Variants in ASGR1 observed in about 807,000 individuals in gnomAD.
ASGR1 encodes C-type lectin domain family 4 member H1.
A neutral mutation model predicts 33.1 loss-of-function variants in ASGR1; 35 were observed. That is an observed-to-expected ratio of 1.06 (90% CI 0.81 to 1.40). ASGR1 has a LOEUF of 1.40. ASGR1 is among the 40% of genes most tolerant of loss of function. The probability of loss-of-function intolerance (pLI) is 0.00; values close to 1 mark genes in which losing one functional copy is unlikely to be tolerated. For synonymous variants in ASGR1, 142 were observed against 152.5 expected, an observed-to-expected ratio of 0.93 and a Z score of 0.51; for missense variants, 396 against 373.7, an observed-to-expected ratio of 1.06 and a Z score of -0.49.
chr17:7,177,504 A>G (rs1021130321), intron 2 of ASGR1, 178 bp from the exon 3 acceptor site: 1 of 585,456 alleles, frequency 1.7e-6, no homozygotes, highest in Non-Finnish European at 3.0e-6. Flanking sequence ...ATCGGGGAGA[A>G]AAGAGGGCTG....
chr17:7,174,506 C>G (rs776770510), intron 5 of ASGR1, 46 bp from the exon 6 acceptor site: 1 of 1,579,606 alleles, frequency 6.3e-7, no homozygotes. Context: ...GCGGAAACCA[C>G]GGGGAGGGAA....
chr17:7,174,005 C>T lies in ASGR1; in HGVS notation c.657G>A (p.Gly219=), dbSNP rs779023527. ...NTWMGLHDQN[G]PWKWVDGTDY... is the part of the protein sequence containing the mutation. ...CCGTCCCGTCCACCCACTTCCAGGGCCCGTTTTGGTCGTGGAGGCCCATCC... is the reference window on the plus strand; with the variant it reads ...CCGTCCCGTCCACCCACTTCCAGGGTCCGTTTTGGTCGTGGAGGCCCATCC... Residue 219 remains glycine (G), a synonymous_variant, in exon 8 of 9, where the codon GGG becomes GGA. Coordinates refer to ENST00000269299, the MANE Select transcript of ASGR1 (RefSeq NM_001671.5). 6.2e-7 allele frequency: 1 copy of T among 1,614,214 alleles called. No individual in the cohort carries two copies. The highest frequency in any genetic ancestry group is 1.1e-5 in the South Asian group (1 of 91,092).
At chr17:7,176,551 AC>A in intron 5 of ASGR1, 2 of 464,528 alleles carry the variant, frequency 4.3e-6, no homozygotes, top group Non-Finnish European at 3.7e-6. Context: ...TCTCATTCTC[AC>A]ACACACACAC....
Position 7,173,970 on chromosome 17 carries a change from G to T in ASGR1, c.692C>A (p.Thr231Lys), listed in dbSNP as rs767830073. ...WKWVDGTDYE[T>K]GFKNWRPEQP... ...GAGGGCGCGCACTCACTTGAAGCCC[G>T]TCTCGTAGTCCGTCCCGTCCACCCA... is the stretch of plus-strand genomic sequence containing the variant. Residue 231 changes from threonine (T) to lysine (K), a missense_variant, in exon 8 of 9, where the codon ACG (threonine) becomes AAG (lysine). Physicochemically the swap from Thr to Lys is moderately conservative, Grantham distance 78. Coordinates refer to ENST00000269299, the MANE Select transcript of ASGR1 (RefSeq NM_001671.5). The surrounding 1 kb of genome is among the most constrained non-coding windows in gnomAD (Gnocchi z 4.7). 1.4e-5 allele frequency: 22 copies of T among 1,614,082 alleles called. No individual in the cohort carries two copies. Among genetic ancestry groups the T allele is most frequent in the Non-Finnish European group, 1.5e-5 (18 of 1,180,008 alleles).
chr17:7,176,839 G>T lies in ASGR1; in HGVS notation c.346C>A (p.Leu116Met). Residue 116 changes from leucine (L) to methionine (M), a missense_variant, in exon 5 of 9, where the codon CTG (leucine) becomes ATG (methionine). Transcript: ENST00000269299. The stretch of plus-strand genomic sequence containing the variant: ...ACACTCCCTCTCTGACCTTCACTCA[G>T]GTCCTTCTGCTGTTTCTCCAGCTGG... ...ESQLEKQQKD[L>M]SEDHSSLLLH... 1.2e-6 allele frequency: 2 copies of T among 1,611,474 alleles called. No individual in the cohort carries two copies. The highest frequency in any genetic ancestry group is 8.5e-7 in the Non-Finnish European group (1 of 1,179,824).
In ASGR1 at chr17:7,176,913, G is replaced by C. The variant is rs200071868; in HGVS notation, c.284-12C>G. 289 of 1,611,822 alleles carry C rather than the reference G, an allele frequency of 1.8e-4. 1 individual carries two copies. The African/African-American group carries it at 3.5e-3, about 20-fold the overall frequency. On this transcript the variant is annotated splice_polypyrimidine_tract_variant and intron_variant, in intron 4 of 8. Transcript: ENST00000269299. ...TCCCACATTGCCTCCTGCGGGAGAG[G>C]CTCGCTCAGCGTTCCCGACAGCCCC... is the stretch of plus-strand genomic sequence containing the variant.
At chr17:7,177,412 C>G in intron 2 of ASGR1, 86 bp from the exon 3 acceptor site, 1 of 1,116,638 alleles carries the variant, frequency 9.0e-7, no homozygotes, top group South Asian at 1.4e-5. Flanking sequence ...CAAGCTAAGG[C>G]GGCCCTAGTA....
Position 7,173,964 on chromosome 17 carries a change from A to C in ASGR1, c.698T>G (p.Phe233Cys), listed in dbSNP as rs1404763274. Residue 233 changes from phenylalanine (F) to cysteine (C), a missense_variant, in exon 8 of 9, where the codon TTC (phenylalanine) becomes TGC (cysteine). Coordinates refer to ENST00000269299, the MANE Select transcript of ASGR1 (RefSeq NM_001671.5). This position sits in a 1 kb window ranked among gnomAD's most constrained non-coding sequence, Gnocchi z 4.7. ...CCGAGGGAGGGCGCGCACTCACTTGAAGCCCGTCTCGTAGTCCGTCCCGTC... is the reference window on the plus strand; with the variant it reads ...CCGAGGGAGGGCGCGCACTCACTTGCAGCCCGTCTCGTAGTCCGTCCCGTC... ...WVDGTDYETGFKNWRPEQPDD... is the reference protein window; with the variant it reads ...WVDGTDYETGCKNWRPEQPDD... 6.2e-7 allele frequency: 1 copy of C among 1,614,158 alleles called. No individual in the cohort carries two copies. The highest frequency in any genetic ancestry group is 8.5e-7 in the Non-Finnish European group (1 of 1,179,980).
Position 7,173,821 on chromosome 17 carries a change from C to T in ASGR1, c.714G>A (p.Pro238=), listed in dbSNP as rs1360463522. ...DYETGFKNWR[P]EQPDDWYGHG... is the part of the protein sequence containing the mutation. ...GGCCGTACCAGTCGTCCGGCTGCTC[C>T]GGCCTCCAGTTCCTGGGGACAGAGC... Residue 238 remains proline (P), a synonymous_variant, in exon 9 of 9, where the codon CCG becomes CCA. Transcript: ENST00000269299. The surrounding 1 kb of genome is among the most constrained non-coding windows in gnomAD (Gnocchi z 4.7). 3 of 1,610,566 alleles carry T rather than the reference C, an allele frequency of 1.9e-6. No individual in the cohort carries two copies. Among genetic ancestry groups the T allele is most frequent in the South Asian group, 1.1e-5 (1 of 91,018 alleles).
In ASGR1 at chr17:7,174,223, C is replaced by G. The variant is rs1181982025; in HGVS notation, c.509G>C (p.Arg170Pro). 3 of 1,614,226 alleles carry G rather than the reference C, an allele frequency of 1.9e-6. No individual in the cohort carries two copies. Among genetic ancestry groups the G allele is most frequent in the African/African-American group, 2.7e-5 (2 of 75,070 alleles). The part of the protein sequence containing the change: ...EHERSCYWFS[R>P]SGKAWADADN... ...GGCGTCAGCCCAGGCCTTCCCGGAGCGAGAGAACCAGTAGCAGCTGCGCTC... is the reference window on the plus strand; with the variant it reads ...GGCGTCAGCCCAGGCCTTCCCGGAGGGAGAGAACCAGTAGCAGCTGCGCTC... Residue 170 changes from arginine to proline, a missense_variant, in exon 7 of 9, where the codon CGC (arginine) becomes CCC (proline). Coordinates refer to ENST00000269299, the MANE Select transcript of ASGR1 (RefSeq NM_001671.5).
At chr17:7,177,664 C>A (rs1056825224) in intron 2 of ASGR1, 4 of 253,980 alleles carry the variant, frequency 1.6e-5, no homozygotes, top group Non-Finnish European at 2.3e-5. Flanking sequence ...GAGTGGCCCG[C>A]GCCTCGGAGT....
chr17:7,175,764 C>T (rs1007656151), intron 5 of ASGR1, among the ~76,000 whole-genome samples: 1 of 143,698 alleles, frequency 7.0e-6, no homozygotes, highest in Non-Finnish European at 1.5e-5. Flanking sequence ...CACACTCCTT[C>T]TCATTTTCAC....
At chr17:7,175,052 A>G (rs1348183058) in intron 5 of ASGR1, among the ~76,000 whole-genome samples, 1 of 149,520 alleles carries the variant, frequency 6.7e-6, no homozygotes. Context: ...TACACAACAC[A>G]CCCTCACACG....
intron 2 of ASGR1, chr17:7,178,273 G>A (rs1318086356): frequency 3.5e-6 from 2 of 565,868 alleles, no homozygotes; most frequent in Admixed American, 3.0e-5. Context: ...AGGGCCAGGA[G>A]GCACAGGAAA....
Position 7,173,895 on chromosome 17 carries a change from T to A in ASGR1, c.702-62A>T. 1 of 1,609,882 alleles carries A rather than the reference T, an allele frequency of 6.2e-7. No individual in the cohort carries two copies. The highest frequency in any genetic ancestry group is 2.2e-5 in the East Asian group (1 of 44,806). On this transcript the variant is annotated intron_variant, in intron 8 of 8. Coordinates refer to ENST00000269299, the MANE Select transcript of ASGR1 (RefSeq NM_001671.5). The surrounding 1 kb of genome is among the most constrained non-coding windows in gnomAD (Gnocchi z 4.7). ...GATCCGCAGGCGGGTCGCTCCAGACTCCTCAGCCCAGGGCCCCAGGGCGCG... is the reference window on the plus strand; with the variant it reads ...GATCCGCAGGCGGGTCGCTCCAGACACCTCAGCCCAGGGCCCCAGGGCGCG...
In ASGR1 at chr17:7,174,084, C is replaced by T. The variant is rs2069165386; in HGVS notation, c.595-17G>A. The T allele has an allele frequency of 1.2e-6, 2 of 1,614,054 alleles. No individual in the cohort carries two copies. Reference sequence around the variant, plus strand: ...GACAAATTTCTGAGGAGAGAGAAGGCGGGTGGTGATCTCTCCGAGGCCAGC... The same window carrying T: ...GACAAATTTCTGAGGAGAGAGAAGGTGGGTGGTGATCTCTCCGAGGCCAGC... On this transcript the variant is annotated splice_polypyrimidine_tract_variant and intron_variant, in intron 7 of 8. Transcript: ENST00000269299.
At position 7,174,251 on chromosome 17, in the gene ASGR1, G is replaced by A; in HGVS notation, c.481C>T (p.His161Tyr). The change falls in exon 7 of 9, where the codon CAC becomes TAC. Residue 161 changes from histidine to tyrosine, a missense_variant. Coordinates refer to ENST00000269299, the MANE Select transcript of ASGR1 (RefSeq NM_001671.5). ...GAGAACCAGTAGCAGCTGCGCTCGT[G>A]CTCCACCCAGTTGACCGGGCAGCAG... is the stretch of plus-strand genomic sequence containing the variant. ...RTCCPVNWVE[H>Y]ERSCYWFSRS... The A allele has an allele frequency of 2.5e-6, 4 of 1,614,166 alleles. No individual in the cohort carries two copies. Among genetic ancestry groups the A allele is most frequent in the Non-Finnish European group, 3.4e-6 (4 of 1,180,006 alleles).
In ASGR1 at chr17:7,178,770, C is replaced by A. The variant is rs1263839537; in HGVS notation, c.-25-182G>T. ...TTTTTTTTTTTGAGAGGGAGTCTTGCTCTGTCCCCAGGCCGGAGTGCAGTG... is the reference window on the plus strand; with the variant it reads ...TTTTTTTTTTTGAGAGGGAGTCTTGATCTGTCCCCAGGCCGGAGTGCAGTG... On this transcript the variant is annotated intron_variant, in intron 1 of 8. Transcript: ENST00000269299. 1.1e-4 allele frequency: 49 copies of A among 458,936 alleles called. No homozygotes were observed. The African/African-American group carries it at 1.2e-3, about 11-fold the overall frequency. 28.4% of individuals were successfully genotyped at this position (458,936 alleles called of 1,614,324 possible).
rs1335090994 is a variant in ASGR1 at position 7,173,507 on chromosome 17, G to A, written c.*152C>T. On this transcript the variant is annotated 3_prime_UTR_variant, in exon 9 of 9. Coordinates refer to ENST00000269299, the MANE Select transcript of ASGR1 (RefSeq NM_001671.5). This position sits in a 1 kb window ranked among gnomAD's most constrained non-coding sequence, Gnocchi z 4.7. ...CTGCAAACTGCAGAAAGCGCCACGG[G>A]TTTCAAGCTCCTCACCTTCGGAACA... is the stretch of plus-strand genomic sequence containing the variant. 1 of 1,107,052 alleles carries A rather than the reference G, an allele frequency of 9.0e-7. No homozygotes were observed. The highest frequency in any genetic ancestry group is 2.6e-5 in the East Asian group (1 of 38,540). 68.6% of individuals were successfully genotyped at this position (1,107,052 alleles called of 1,614,324 possible). A position where few individuals can be genotyped will look rare whatever the true frequency, so the allele number is the denominator to read the frequency against.
Sources: allele counts gnomAD v4.1 joint callset (sites outside exome capture counted in the v4.1 genomes callset), GRCh38; gene constraint gnomAD v4.1.1; non-coding constraint Gnocchi (gnomAD v3.1); transcripts MANE v1.5; gene names NCBI Gene and HGNC (gene_info 2026-07-23, HGNC 2026-07-21).